FAM227B: variants seen among roughly 807,000 people sequenced by gnomAD.
The protein encoded by FAM227B is family with sequence similarity 227 member B, also known as protein FAM227B.
In FAM227B, 88 loss-of-function variants were observed where a neutral mutation model predicts 73.8. That is an observed-to-expected ratio of 1.19 (90% confidence interval 1.00 to 1.42). The LOEUF (loss-of-function observed/expected upper bound fraction) is 1.42, where lower values mean the gene tolerates loss of function less well. Ranked by LOEUF, FAM227B falls within the 40% of genes most tolerant of loss-of-function variation. FAM227B has a pLI of 0.00. For missense variants in FAM227B, 632 were observed against 590.9 expected (o/e 1.07, Z -0.72); for synonymous variants, 210 against 190.5 (o/e 1.10, Z -0.84).
intron 5 of FAM227B, among the ~76,000 whole-genome samples, chr15:49,582,587 A>G (rs150940348): frequency 2.7e-4 from 41 of 152,318 alleles, no homozygotes; most frequent in African/African-American, 9.4e-4. Flanking sequence ...CAGAAAATTA[A>G]CAAAGCTATT....
At chr15:49,558,983 G>A (rs1266823724) in intron 9 of FAM227B, among the ~76,000 whole-genome samples, 1 of 151,878 alleles carries the variant, frequency 6.6e-6, no homozygotes, top group Non-Finnish European at 1.5e-5. Context: ...TGGCAAAGAC[G>A]TGAGCCATAA....
At chr15:49,565,983 C>T (rs2074624592) in intron 9 of FAM227B, among the ~76,000 whole-genome samples, 1 of 152,174 alleles carries the variant, frequency 6.6e-6, no homozygotes, top group Admixed American at 6.5e-5. Context: ...CTCCTAAAGA[C>T]ATTGGTCCTG....
chr15:49,422,177 CGTGCACGCGT>C (rs1377354844), intron 11 of FAM227B, among the ~76,000 whole-genome samples: 2 of 122,324 alleles, frequency 1.6e-5, no homozygotes, highest in African/African-American at 5.7e-5. Context: ...CGCGCGCGCG[CGTGCACGCGT>C]GTGTGTTTTG....
chr15:49,561,130 G>A (rs1368673425), intron 9 of FAM227B, among the ~76,000 whole-genome samples: 2 of 152,116 alleles, frequency 1.3e-5, no homozygotes, highest in Admixed American at 6.5e-5. Context: ...TTCCTCAAGA[G>A]ACCCATCTCA....
At chr15:49,376,688 C>T (rs2046183686) in intron 11 of FAM227B, among the ~76,000 whole-genome samples, 1 of 152,002 alleles carries the variant, frequency 6.6e-6, no homozygotes, top group Admixed American at 6.6e-5. Flanking sequence ...CATTTGTAGA[C>T]CATTTTGGGG....
intron 13 of FAM227B, among the ~76,000 whole-genome samples, chr15:49,358,993 T>C (rs2151382251): frequency 6.6e-6 from 1 of 151,696 alleles, no homozygotes; most frequent in East Asian, 1.9e-4. Context: ...GGGGAAAGGA[T>C]TCCCTATTTA....
At chr15:49,533,719 T>C (rs188024302) in intron 10 of FAM227B, among the ~76,000 whole-genome samples, 99 of 151,976 alleles carry the variant, frequency 6.5e-4, no homozygotes, top group African/African-American at 2.3e-3. Context: ...ATCATTTGCA[T>C]GGATTATCTG....
At chr15:49,334,026 G>A (rs2151166678) in intron 14 of FAM227B, among the ~76,000 whole-genome samples, 1 of 152,290 alleles carries the variant, frequency 6.6e-6, no homozygotes, top group South Asian at 2.1e-4. Context: ...TCCTATGGCT[G>A]GAGAGTAAAA....
intron 8 of FAM227B, among the ~76,000 whole-genome samples, chr15:49,569,246 T>C (rs12913210): frequency 0.11 from 16,198 of 151,892 alleles, 1,214 homozygotes; most frequent in East Asian, 0.36. Flanking sequence ...ATTTTAGTAA[T>C]TATAGTCTTC....
rs866951250 is a variant in FAM227B at position 49,457,923 on chromosome 15, A to G, written c.1012+50288T>C. Among the ~76,000 whole-genome samples the G allele has an allele frequency of 5.3e-5, 8 of 152,006 alleles. No homozygotes were observed. The South Asian group carries it at 1.2e-3, about 24-fold the overall frequency. On this transcript the variant is annotated intron_variant, in intron 11 of 15. Transcript: ENST00000299338. ...TTAGCACAAGTTAAACATTTAATTA[A>G]TGTTAGAAAAATTAAGCCTTTACTG...
chr15:49,361,083 A>C (rs146101940), intron 13 of FAM227B, among the ~76,000 whole-genome samples: 1 of 152,188 alleles, frequency 6.6e-6, no homozygotes, highest in Non-Finnish European at 1.5e-5. Flanking sequence ...GGGATAAATG[A>C]TAAGTATTTA....
rs760639050 is a variant in FAM227B, at chr15:49,331,739, TAG to T, written c.1419+39_1419+40del. On this transcript the variant is annotated intron_variant, in intron 15 of 15. Coordinates refer to ENST00000299338, the MANE Select transcript of FAM227B (RefSeq NM_152647.3). ...ATTGTCCAGTCTATATAAAAGAAGC[TAG>T]AGAGAGAATTCTCAATTATTTTCAG... 4.8e-5 allele frequency: 58 copies of T among 1,219,194 alleles called. No homozygotes were observed. In the African/African-American group the frequency reaches 7.6e-4, roughly 16 times the overall value. 75.5% of individuals were successfully genotyped at this position (1,219,194 alleles called of 1,614,324 possible).
At chr15:49,598,422 C>T (rs2077005710) in intron 3 of FAM227B, among the ~76,000 whole-genome samples, 1 of 151,932 alleles carries the variant, frequency 6.6e-6, no homozygotes, top group Non-Finnish European at 1.5e-5. Flanking sequence ...TTACTTCTTC[C>T]TTTCCTATTT....
At chr15:49,541,970 A>G (rs2071135501) in intron 9 of FAM227B, among the ~76,000 whole-genome samples, 164 bp from the exon 10 acceptor site, 1 of 152,184 alleles carries the variant, frequency 6.6e-6, no homozygotes, top group African/African-American at 2.4e-5. Context: ...AAATTAATGT[A>G]CGTCACTATG....
At chr15:49,358,317 T>G (rs921424720) in intron 13 of FAM227B, among the ~76,000 whole-genome samples, 2 of 120,546 alleles carry the variant, frequency 1.7e-5, no homozygotes, top group African/African-American at 6.4e-5. Context: ...GCAGACGACA[T>G]GATTGTGTAT....
chr15:49,482,300 G>A (rs994255102), intron 11 of FAM227B, among the ~76,000 whole-genome samples: 2 of 151,930 alleles, frequency 1.3e-5, no homozygotes, highest in African/African-American at 4.8e-5. Flanking sequence ...TATAATAAAG[G>A]AAAATAGTAA....
chr15:49,399,665 T>A (rs1368481822), intron 11 of FAM227B, among the ~76,000 whole-genome samples: 2 of 150,410 alleles, frequency 1.3e-5, no homozygotes, highest in Non-Finnish European at 3.0e-5. Context: ...TCAAGTGGGC[T>A]TCATCCCTGG....
intron 3 of FAM227B, among the ~76,000 whole-genome samples, chr15:49,601,281 T>C (rs1417295173): frequency 6.6e-6 from 1 of 151,700 alleles, no homozygotes. Context: ...CTTTATCTCT[T>C]GTGTATGTAC....
intron 11 of FAM227B, among the ~76,000 whole-genome samples, chr15:49,398,545 A>AT (rs948101610): frequency 9.0e-6 from 1 of 111,586 alleles, no homozygotes; most frequent in Non-Finnish European, 1.8e-5. Flanking sequence ...CAGAATATAC[A>AT]TTTTTTTCAG....
Sources: gnomAD v4.1 joint callset for allele counts (sites outside exome capture counted in the v4.1 genomes callset) on GRCh38, gnomAD v4.1.1 for gene constraint, MANE v1.5 for transcripts, NCBI Gene and HGNC (gene_info 2026-07-23, HGNC 2026-07-21) for gene names.